The following C1orf94 variants were observed in gnomAD, a reference collection of about 807,000 sequenced individuals.
C1orf94 encodes the protein chromosome 1 open reading frame 94.
A neutral mutation model predicts 53.6 loss-of-function variants in C1orf94; 45 were observed. That is an observed-to-expected ratio of 0.84 (90% confidence interval 0.66 to 1.08). The LOEUF is 1.08. Among genes scored for constraint, C1orf94 ranks in the 50% least tolerant of loss-of-function variants. The probability of loss-of-function intolerance (pLI) is 0.00; values close to 1 mark genes in which losing one functional copy is unlikely to be tolerated. For missense variants in C1orf94, 762 were observed against 738.9 expected (o/e 1.03, Z -0.36); for synonymous variants, 304 against 296.1 (o/e 1.03, Z -0.27).
At chr1:34,169,639 G>GAGAGAGAGAGA (rs1333033191) in intron 1 of C1orf94, among the ~76,000 whole-genome samples, 8 of 142,976 alleles carry the variant, frequency 5.6e-5, no homozygotes, top group South Asian at 2.2e-4. Context: ...GAGAGAGTGA[G>GAGAGAGAGAGA]CAAATGGGAG....
intron 2 of C1orf94, among the ~76,000 whole-genome samples, chr1:34,199,355 AGGG>A (rs1642656648): frequency 6.6e-6 from 1 of 152,194 alleles, no homozygotes; most frequent in South Asian, 2.1e-4. Flanking sequence ...CTCACAGGCT[AGGG>A]GCTGAATTCG....
At chr1:34,218,128 G>T (rs1370664167) in intron 6 of C1orf94, among the ~76,000 whole-genome samples, 1 of 152,122 alleles carries the variant, frequency 6.6e-6, no homozygotes, top group Non-Finnish European at 1.5e-5. Context: ...TTCCCTGAGG[G>T]TCTAGCAAAG....
Position 34,178,052 on chromosome 1 carries a change from A to C in C1orf94, c.263A>C (p.Gln88Pro). 6.4e-7 allele frequency: 1 copy of C among 1,551,724 alleles called. No homozygotes were observed. The highest frequency in any genetic ancestry group is 2.4e-5 in the East Asian group (1 of 40,908). The change falls in exon 1 of 7, where the codon CAG becomes CCG. Residue 88 changes from glutamine to proline, a missense_variant. Physicochemically the swap from Gln to Pro is moderately conservative, Grantham distance 76. Coordinates refer to ENST00000488417, the MANE Select transcript of C1orf94 (RefSeq NM_001134734.2). ...TCACAGCCCTGGACCTCCATGGAGC[A>C]GCTCTCTGTCCCTGTGGTTGGAACT... ...EASQPWTSME[Q>P]LSVPVVGTLR...
At chr1:34,190,961 G>A (rs1483986789) in intron 1 of C1orf94, among the ~76,000 whole-genome samples, 3 of 152,176 alleles carry the variant, frequency 2.0e-5, no homozygotes, top group African/African-American at 7.2e-5. Context: ...GCTGGGCTTG[G>A]CTGAACTTGG....
intron 1 of C1orf94, among the ~76,000 whole-genome samples, chr1:34,185,152 C>T (rs1334009092): frequency 6.6e-6 from 1 of 151,818 alleles, no homozygotes; most frequent in Non-Finnish European, 1.5e-5. Flanking sequence ...GCAAGTGTCT[C>T]CCTCTCTCTT....
intron 6 of C1orf94, 27 bp downstream of exon 6, chr1:34,212,433 A>G: frequency 5.7e-6 from 9 of 1,583,522 alleles, no homozygotes; most frequent in Non-Finnish European, 7.7e-6. Context: ...TGGGAGCCTA[A>G]GGGTATCCAG....
intron 1 of C1orf94, among the ~76,000 whole-genome samples, chr1:34,184,887 A>G (rs1405383051): frequency 6.6e-6 from 1 of 152,028 alleles, no homozygotes. Context: ...GATGGGAGTG[A>G]TAAAGACAAG....
intron 2 of C1orf94, among the ~76,000 whole-genome samples, chr1:34,200,073 A>G (rs931873751): frequency 1.3e-5 from 2 of 152,204 alleles, no homozygotes; most frequent in Admixed American, 6.5e-5. Flanking sequence ...TGCAGGGCAC[A>G]GTCTAGCTCT....
At position 34,212,250 on chromosome 1, in the gene C1orf94, T is replaced by C; in HGVS notation, c.1565T>C (p.Phe522Ser). The change falls in exon 6 of 7, where the codon TTC becomes TCC. Residue 522 changes from phenylalanine to serine, a missense_variant. By Grantham distance (155) the Phe-to-Ser change is radical. Coordinates refer to ENST00000488417, the MANE Select transcript of C1orf94 (RefSeq NM_001134734.2). ...CCACAGCAGATGGGACAGCAGATCT[T>C]CCGCTCTTCCTACACCCCTCTGCTG... is the stretch of plus-strand genomic sequence containing the variant. Reference protein sequence around the residue: ...YNPQQMGQQIFRSSYTPLLSY... With the variant: ...YNPQQMGQQISRSSYTPLLSY... 11 of 1,613,382 alleles carry C rather than the reference T, an allele frequency of 6.8e-6. No homozygotes were observed. The highest frequency in any genetic ancestry group is 9.3e-6 in the Non-Finnish European group (11 of 1,179,712).
At chr1:34,188,186 G>A (rs999735944) in intron 1 of C1orf94, among the ~76,000 whole-genome samples, 4 of 152,192 alleles carry the variant, frequency 2.6e-5, no homozygotes, top group African/African-American at 7.2e-5. Flanking sequence ...ACTCATGCAT[G>A]TGTGTGAAAG....
chr1:34,178,109 A>C lies in C1orf94; in HGVS notation c.320A>C (p.Glu107Ala), dbSNP rs1442820249. 3 of 1,550,938 alleles carry C rather than the reference A, an allele frequency of 1.9e-6. No individual in the cohort carries two copies. In the Admixed American group the frequency reaches 5.9e-5, roughly 30 times the overall value. Residue 107 changes from glutamate to alanine, a missense_variant and splice_region_variant, in exon 1 of 7, where the codon GAA becomes GCA. By Grantham distance (107) the Glu-to-Ala change is moderately radical. Coordinates refer to ENST00000488417, the MANE Select transcript of C1orf94 (RefSeq NM_001134734.2). The stretch of plus-strand genomic sequence containing the variant: ...GGCAATGAGCTCAGCTTTCAAGAAG[A>C]GTAAGTACCCCCCTACTCCATTGGC... Reference protein sequence around the residue: ...LRGNELSFQEEALELSSGKDE... With the variant: ...LRGNELSFQEAALELSSGKDE...
intron 4 of C1orf94, among the ~76,000 whole-genome samples, chr1:34,203,861 G>A (rs1159753222): frequency 3.3e-5 from 5 of 152,194 alleles, no homozygotes; most frequent in Non-Finnish European, 7.3e-5. Context: ...GTCCACTCTG[G>A]TTTAAGCCTT....
At chr1:34,195,485 G>A (rs891324855) in intron 1 of C1orf94, among the ~76,000 whole-genome samples, 1 of 152,114 alleles carries the variant, frequency 6.6e-6, no homozygotes, top group African/African-American at 2.4e-5. Flanking sequence ...TCCATGTGGG[G>A]GTAGAGAGGC....
At chr1:34,193,260 G>C (rs1445299533) in intron 1 of C1orf94, among the ~76,000 whole-genome samples, 1 of 152,120 alleles carries the variant, frequency 6.6e-6, no homozygotes, top group Admixed American at 6.5e-5. Flanking sequence ...CAGGCTGGGA[G>C]GAGAGTCTCC....
chr1:34,182,686 C>T (rs538125061), intron 1 of C1orf94, among the ~76,000 whole-genome samples: 1 of 152,326 alleles, frequency 6.6e-6, no homozygotes, highest in South Asian at 2.1e-4. Flanking sequence ...TGCTCTGCTT[C>T]ACGCACGAGT....
chr1:34,189,269 T>G (rs567274266), intron 1 of C1orf94, among the ~76,000 whole-genome samples: 2 of 152,052 alleles, frequency 1.3e-5, no homozygotes, highest in Admixed American at 6.5e-5. Context: ...CGTGTGTGCA[T>G]GTGTGAATGT....
chr1:34,210,604 C>T (rs1642872806), intron 5 of C1orf94, among the ~76,000 whole-genome samples: 1 of 151,970 alleles, frequency 6.6e-6, no homozygotes, highest in Non-Finnish European at 1.5e-5. Context: ...CGACAGCATC[C>T]ATGTGAAGGG....
Position 34,197,189 on chromosome 1 carries a change from G to T in C1orf94, c.321-36G>T. The T allele has an allele frequency of 6.8e-7, 1 of 1,474,144 alleles. No individual in the cohort carries two copies. Among genetic ancestry groups the T allele is most frequent in the Non-Finnish European group, 9.0e-7 (1 of 1,107,102 alleles). The allele number at this position is 1,474,144 out of a possible 1,614,324, so 91.3% of individuals were successfully genotyped here. A position where few individuals can be genotyped will look rare whatever the true frequency, so the allele number is the denominator to read the frequency against. On this transcript the variant is annotated intron_variant, in intron 1 of 6. Transcript: ENST00000488417. The surrounding 1 kb of genome is among the most constrained non-coding windows in gnomAD (Gnocchi z 4.1). ...TGCAAAGCCACGCCTTGGTGAGCTGGCACTAACACCGTCTGTCTCTCTGAC... is the reference window on the plus strand; with the variant it reads ...TGCAAAGCCACGCCTTGGTGAGCTGTCACTAACACCGTCTGTCTCTCTGAC...
chr1:34,179,318 A>G (rs1326406330), intron 1 of C1orf94, among the ~76,000 whole-genome samples: 2 of 152,234 alleles, frequency 1.3e-5, no homozygotes, highest in Non-Finnish European at 2.9e-5. Flanking sequence ...CTTCAGTGGC[A>G]CTGAGCCCTT....
Sources: gnomAD v4.1 joint callset for allele counts (sites outside exome capture counted in the v4.1 genomes callset) on GRCh38, gnomAD v4.1.1 for gene constraint, Gnocchi (gnomAD v3.1) non-coding constraint, MANE v1.5 for transcripts, NCBI Gene and HGNC (gene_info 2026-07-23, HGNC 2026-07-21) for gene names.